MTERF2: variants seen among roughly 807,000 people sequenced by gnomAD.
MTERF2 encodes the protein transcription termination factor 2, mitochondrial.
MTERF2 carries 23 observed loss-of-function variants against 29.2 expected under a neutral mutation model. The ratio of observed to expected loss-of-function variants is 0.79; its 90% CI spans 0.57 to 1.12. The LOEUF is 1.12. Ranked by LOEUF, MTERF2 falls within the 50% of genes most tolerant of loss-of-function variation. The probability of loss-of-function intolerance (pLI) is 0.00; values close to 1 mark genes in which losing one functional copy is unlikely to be tolerated. For synonymous variants in MTERF2, 157 were observed against 159.5 expected, an observed-to-expected ratio of 0.98 and a Z score of 0.12; for missense variants, 440 against 429.4, an observed-to-expected ratio of 1.02 and a Z score of -0.22.
Position 106,978,315 on chromosome 12 carries a change from C to T in MTERF2, c.400G>A (p.Glu134Lys), listed in dbSNP as rs1952012999. The T allele has an allele frequency of 1.9e-6, 3 of 1,614,168 alleles. No individual in the cohort carries two copies. Among genetic ancestry groups the T allele is most frequent in the Non-Finnish European group, 2.5e-6 (3 of 1,180,036 alleles). ...GTAAAGAAAGATTCTGGAAACTGCT[C>T]TATTAACTTGATTAACTCTTCCTCA... ...KNEEELIKLI[E>K]QFPESFFTIK... Residue 134 changes from glutamate (E) to lysine (K), a missense_variant, in exon 3 of 3, where the codon GAG (glutamate) becomes AAG (lysine). Glu to Lys is a moderately conservative substitution (Grantham distance 56). Coordinates refer to ENST00000240050, the MANE Select transcript of MTERF2 (RefSeq NM_001033050.3).
chr12:106,978,099 T>C lies in MTERF2; in HGVS notation c.616A>G (p.Lys206Glu), dbSNP rs1192609936. The C allele has an allele frequency of 6.2e-7, 1 of 1,614,090 alleles. No homozygotes were observed. Among genetic ancestry groups the C allele is most frequent in the South Asian group, 1.1e-5 (1 of 91,028 alleles). The change falls in exon 3 of 3, where the codon AAA becomes GAA. Residue 206 changes from lysine (K) to glutamate (E), a missense_variant. By Grantham distance (56) the Lys-to-Glu change is moderately conservative. Transcript: ENST00000240050. ...CTTAACAATTTTAGTAGCCAAACTTTCATGTTGGCCTCAGAGCCACCTACA... is the reference window on the plus strand; with the variant it reads ...CTTAACAATTTTAGTAGCCAAACTTCCATGTTGGCCTCAGAGCCACCTACA... The part of the protein sequence containing the change: ...LDVGGSEANM[K>E]VWLLKLLSQN...
chr12:106,985,172 G>C lies in MTERF2; in HGVS notation c.-115C>G, dbSNP rs1952096296. 6.6e-6 allele frequency: 1 copy of C among 152,134 alleles called. No homozygotes were observed. The highest frequency in any genetic ancestry group is 1.5e-5 in the Non-Finnish European group (1 of 68,080). The allele number at this position is 152,134 out of a possible 1,614,324, so 9.4% of individuals were successfully genotyped here. Reference sequence around the variant, plus strand: ...TCCAGATATTCAGTTCATCCACTTGGGATTCTTTCCAACTTCTTCTCAAAA... The same window carrying C: ...TCCAGATATTCAGTTCATCCACTTGCGATTCTTTCCAACTTCTTCTCAAAA... On this transcript the variant is annotated 5_prime_UTR_variant, in exon 2 of 3. Transcript: ENST00000240050.
At chr12:106,984,077 T>TTCACAGCTTTCATTATCCAG (rs576024681) in intron 2 of MTERF2, among the ~76,000 whole-genome samples, 3 of 152,314 alleles carry the variant, frequency 2.0e-5, no homozygotes, top group East Asian at 3.9e-4. Context: ...CTAGCTCCCC[T>TTCACAGCTTTCATTATCCAG]TCACAGCTTT....
rs1016460704 is a variant in MTERF2, at chr12:106,978,663, T to C, written c.52A>G (p.Arg18Gly). 3 of 1,614,088 alleles carry C rather than the reference T, an allele frequency of 1.9e-6. No homozygotes were observed. Among genetic ancestry groups the C allele is most frequent in the African/African-American group, 2.7e-5 (2 of 74,936 alleles). ...TATTTTGGAGGTGATCGCATCTTTC[T>C]GAAAGAACACAGCCTGCAGGACTGG... is the stretch of plus-strand genomic sequence containing the variant. ...RSQSCRLCSF[R>G]KMRSPPKYRP... The change falls in exon 3 of 3, where the codon AGA (arginine) becomes GGA (glycine). Residue 18 changes from arginine to glycine, a missense_variant. Transcript: ENST00000240050.
Position 106,978,449 on chromosome 12 carries a change from G to A in MTERF2, c.266C>T (p.Ala89Val). ...EIANILQELG[A>V]DETAVASILE... ...AATACTGGCTACAGCAGTCTCATCG[G>A]CACCTAGTTCTTGTAAAATATTCGC... is the stretch of plus-strand genomic sequence containing the variant. Residue 89 changes from alanine to valine, a missense_variant, in exon 3 of 3, where the codon GCC becomes GTC. By Grantham distance (64) the Ala-to-Val change is moderately conservative. Coordinates refer to ENST00000240050, the MANE Select transcript of MTERF2 (RefSeq NM_001033050.3). 6.2e-7 allele frequency: 1 copy of A among 1,614,182 alleles called. No homozygotes were observed.
chr12:106,985,906 A>T (rs1167460648), intron 1 of MTERF2: 4 of 152,240 alleles, frequency 2.6e-5, no homozygotes, highest in African/African-American at 9.6e-5. Flanking sequence ...ATCACAGATC[A>T]ACTCAGAACC....
At chr12:106,983,630 G>A (rs1486179822) in intron 2 of MTERF2, among the ~76,000 whole-genome samples, 1 of 152,084 alleles carries the variant, frequency 6.6e-6, no homozygotes, top group Non-Finnish European at 1.5e-5. Context: ...AGCTCCTTAA[G>A]TTCATTTGAA....
chr12:106,982,163 G>A (rs1278540516), intron 2 of MTERF2, among the ~76,000 whole-genome samples: 2 of 152,138 alleles, frequency 1.3e-5, no homozygotes, highest in Non-Finnish European at 2.9e-5. Flanking sequence ...CCCCAACCAA[G>A]CCAACTGCAG....
intron 2 of MTERF2, among the ~76,000 whole-genome samples, chr12:106,983,792 C>T (rs1952079056): frequency 6.6e-6 from 1 of 152,094 alleles, no homozygotes; most frequent in African/African-American, 2.4e-5. Context: ...AATTTGCCTC[C>T]ATCCTCATCC....
intron 2 of MTERF2, among the ~76,000 whole-genome samples, chr12:106,983,071 A>G: frequency 6.6e-6 from 1 of 152,354 alleles, no homozygotes; most frequent in South Asian, 2.1e-4. Context: ...ATTAAGAAAT[A>G]TAATCTCATT....
At chr12:106,986,944 G>A (rs1952125471) in intron 1 of MTERF2, 25 bp downstream of exon 1, 1 of 152,316 alleles carries the variant, frequency 6.6e-6, no homozygotes, top group African/African-American at 2.4e-5. Context: ...AACACGCCCA[G>A]GAGCAGAGGA....
chr12:106,986,310 C>T (rs1261636088), intron 1 of MTERF2: 1 of 152,144 alleles, frequency 6.6e-6, no homozygotes, highest in East Asian at 1.9e-4. Flanking sequence ...TCCTGGGTGA[C>T]TGCAAAGATC....
rs749639551 is a variant in MTERF2, at chr12:106,978,087, G to C, written c.628C>G (p.Leu210Val). The C allele has an allele frequency of 6.2e-7, 1 of 1,613,950 alleles. No homozygotes were observed. Among genetic ancestry groups the C allele is most frequent in the Admixed American group, 1.7e-5 (1 of 59,964 alleles). Residue 210 changes from leucine to valine, a missense_variant, in exon 3 of 3, where the codon CTA (leucine) becomes GTA (valine). By Grantham distance (32) the Leu-to-Val change is conservative. Transcript: ENST00000240050. The part of the protein sequence containing the change: ...GSEANMKVWL[L>V]KLLSQNPFIL... ...AATGGGTTTTGGCTTAACAATTTTA[G>C]TAGCCAAACTTTCATGTTGGCCTCA...
Position 106,977,910 on chromosome 12 carries a change from A to T in MTERF2, c.805T>A (p.Phe269Ile). Residue 269 changes from phenylalanine (F) to isoleucine (I), a missense_variant, in exon 3 of 3, where the codon TTC (phenylalanine) becomes ATC (isoleucine). Transcript: ENST00000240050. The part of the protein sequence containing the change: ...CPRSIQNSIS[F>I]SKNAFKCTDH... ...GTGCATTTAAAAGCATTTTTAGAGAAGGAAATACTATTCTGTATACTTCTT... is the reference window on the plus strand; with the variant it reads ...GTGCATTTAAAAGCATTTTTAGAGATGGAAATACTATTCTGTATACTTCTT... 1.2e-6 allele frequency: 2 copies of T among 1,614,066 alleles called. No individual in the cohort carries two copies. Among genetic ancestry groups the T allele is most frequent in the Non-Finnish European group, 1.7e-6 (2 of 1,180,008 alleles).
chr12:106,981,507 TTATG>T (rs144923861), intron 2 of MTERF2, among the ~76,000 whole-genome samples: 3 of 152,096 alleles, frequency 2.0e-5, no homozygotes, highest in South Asian at 2.1e-4. Context: ...ACCAAAAAGT[TTATG>T]TATGTATGTA....
In MTERF2 at chr12:106,978,157, T is replaced by C. The variant is rs567952120; in HGVS notation, c.558A>G (p.Gln186=). 1 of 1,613,988 alleles carries C rather than the reference T, an allele frequency of 6.2e-7. No homozygotes were observed. Among genetic ancestry groups the C allele is most frequent in the African/African-American group, 1.3e-5 (1 of 74,930 alleles). The change falls in exon 3 of 3, where the codon CAA becomes CAG. Residue 186 remains glutamine (Q), a synonymous_variant. Coordinates refer to ENST00000240050, the MANE Select transcript of MTERF2 (RefSeq NM_001033050.3). ...VFHNPVEKNK[Q]MVRILQESYL... ...AACTCTCTTGGAGAATTCTTACCAT[T>C]TGCTTATTCTTCTCAACAGGATTAT...
chr12:106,984,806 C>A (rs757044231), intron 2 of MTERF2, among the ~76,000 whole-genome samples: 5 of 152,190 alleles, frequency 3.3e-5, no homozygotes, highest in Admixed American at 6.5e-5. Context: ...TCCCCAACCA[C>A]GTGGCACTGT....
chr12:106,982,652 C>T (rs1428224985), intron 2 of MTERF2, among the ~76,000 whole-genome samples: 4 of 152,144 alleles, frequency 2.6e-5, no homozygotes, highest in African/African-American at 9.7e-5. Context: ...TTTTGTAATT[C>T]ATTCCTTATA....
rs1259112337 is a variant in MTERF2 at position 106,978,199 on chromosome 12, A to C, written c.516T>G (p.Ala172=). 1 of 1,613,682 alleles carries C rather than the reference A, an allele frequency of 6.2e-7. No individual in the cohort carries two copies. Residue 172 remains alanine, a synonymous_variant, in exon 3 of 3, where the codon GCT becomes GCG. Coordinates refer to ENST00000240050, the MANE Select transcript of MTERF2 (RefSeq NM_001033050.3). ...KNVVISRLLT[A]APNVFHNPVE... is the part of the protein sequence containing the mutation. Reference sequence around the variant, plus strand: ...CAGGATTATGAAAAACATTAGGTGCAGCTGTCAAAAGTCTGCTAATGACCA... The same window carrying C: ...CAGGATTATGAAAAACATTAGGTGCCGCTGTCAAAAGTCTGCTAATGACCA...
Sources: gnomAD v4.1 joint callset for allele counts (sites outside exome capture counted in the v4.1 genomes callset) on GRCh38, gnomAD v4.1.1 for gene constraint, MANE v1.5 for transcripts, NCBI Gene and HGNC (gene_info 2026-07-23, HGNC 2026-07-21) for gene names.